The following IL1RAPL1 variants were observed in gnomAD, a reference collection of about 807,000 sequenced individuals.
The protein encoded by IL1RAPL1 is interleukin-1 receptor accessory protein-like 1.
In IL1RAPL1, 3 loss-of-function variants were observed where a neutral mutation model predicts 48.4. The ratio of observed to expected loss-of-function variants is 0.06; its 90% CI spans 0.03 to 0.16. The LOEUF is 0.16. IL1RAPL1 is among the 10% of genes least tolerant of loss of function. IL1RAPL1 has a pLI of 1.00. For missense variants in IL1RAPL1, 349 were observed against 530.6 expected (o/e 0.66, Z 3.36); for synonymous variants, 185 against 187.7 (o/e 0.99, Z 0.12).
intron 5 of IL1RAPL1, among the ~76,000 whole-genome samples, chrX:29,429,789 G>A (rs1934393631): frequency 9.0e-6 from 1 of 110,499 alleles, no homozygotes; most frequent in Middle Eastern, 4.3e-3. Flanking sequence ...GAAATTCGTT[G>A]TGTAGGTGGT....
chrX:29,136,459 G>A (rs1246798490), intron 2 of IL1RAPL1, among the ~76,000 whole-genome samples: 1 of 111,625 alleles, frequency 9.0e-6, no homozygotes, highest in East Asian at 2.8e-4. Flanking sequence ...TGTCTAAATA[G>A]GACTCACTAT....
chrX:29,356,582 C>G (rs895495256), intron 3 of IL1RAPL1, among the ~76,000 whole-genome samples: 1 of 110,622 alleles, frequency 9.0e-6, no homozygotes, highest in South Asian at 3.8e-4. Flanking sequence ...CACACACACA[C>G]ACGCACACAC....
chrX:29,029,197 C>G (rs770838372), intron 2 of IL1RAPL1, among the ~76,000 whole-genome samples: 1 of 111,356 alleles, frequency 9.0e-6, no homozygotes, highest in Non-Finnish European at 1.9e-5. Flanking sequence ...CACTTCCCAC[C>G]AGCCCTCCCA....
At chrX:29,145,100 AC>A (rs1233191637) in intron 2 of IL1RAPL1, among the ~76,000 whole-genome samples, 1 of 111,276 alleles carries the variant, frequency 9.0e-6, no homozygotes, top group Admixed American at 9.6e-5. Flanking sequence ...GTTGAGAGAT[AC>A]GGACATAATA....
chrX:28,761,256 A>G (rs935206495), intron 1 of IL1RAPL1, among the ~76,000 whole-genome samples: 2 of 110,938 alleles, frequency 1.8e-5, no homozygotes, highest in Admixed American at 9.6e-5. Context: ...AAATCCCACT[A>G]CTGGGTATAT....
intron 6 of IL1RAPL1, among the ~76,000 whole-genome samples, chrX:29,837,258 CAA>C (rs34032700): frequency 0.021 from 637 of 29,939 alleles, 4 homozygotes; most frequent in African/African-American, 0.062. Context: ...GACTGCATCT[CAA>C]AAAAAAAAAA....
chrX:29,010,003 A>G (rs1474049685), intron 2 of IL1RAPL1, among the ~76,000 whole-genome samples: 2 of 111,523 alleles, frequency 1.8e-5, no homozygotes, highest in Admixed American at 9.6e-5. Flanking sequence ...AGGTATTTTT[A>G]TTTATGTGTA....
intron 6 of IL1RAPL1, among the ~76,000 whole-genome samples, chrX:29,887,550 A>G (rs1332668423): frequency 3.6e-5 from 4 of 112,463 alleles, no homozygotes; most frequent in African/African-American, 6.5e-5. Flanking sequence ...CTCCATTTAA[A>G]AAAATGAGGC....
In IL1RAPL1 at chrX:29,766,327, CAAAA is replaced by C. The variant is rs1220003136; in HGVS notation, c.778+97836_778+97839del. 9.4e-3 allele frequency among the ~76,000 whole-genome samples: 240 copies of C among 25,609 alleles called. 2 individuals are homozygous for C. The highest frequency in any genetic ancestry group is 0.042 in the African/African-American group (197 of 4,733). The allele number at this position is 25,609 out of a possible 115,157, so 22.2% of individuals were successfully genotyped here. A position where few individuals can be genotyped will look rare whatever the true frequency, so the allele number is the denominator to read the frequency against. On this transcript the variant is annotated intron_variant, in intron 6 of 10. Coordinates refer to ENST00000378993, the MANE Select transcript of IL1RAPL1 (RefSeq NM_014271.4). ...TGGGAGACAGAGTGAGACTCCGTCTCAAAAAAAAAAAAAAAATATATATATATAT... is the reference window on the plus strand; with the variant it reads ...TGGGAGACAGAGTGAGACTCCGTCTCAAAAAAAAAAAATATATATATATAT...
At chrX:28,652,601 G>C (rs1934695819) in intron 1 of IL1RAPL1, among the ~76,000 whole-genome samples, 1 of 112,037 alleles carries the variant, frequency 8.9e-6, no homozygotes. Context: ...GAGCAATGCT[G>C]ACGGGGGACC....
intron 2 of IL1RAPL1, among the ~76,000 whole-genome samples, chrX:29,225,516 C>T (rs972062843): frequency 4.5e-5 from 5 of 111,970 alleles, no homozygotes; most frequent in Non-Finnish European, 7.5e-5. Flanking sequence ...TTGAACAGAT[C>T]GGTTAAACAG....
Position 29,218,054 on chromosome X carries a change from G to A in IL1RAPL1, c.83-64884G>A, listed in dbSNP as rs1486353233. 2.7e-5 allele frequency among the ~76,000 whole-genome samples: 3 copies of A among 111,438 alleles called. No individual in the cohort carries two copies. The East Asian group carries it at 8.4e-4, about 31-fold the overall frequency. On this transcript the variant is annotated intron_variant, in intron 2 of 10. Coordinates refer to ENST00000378993, the MANE Select transcript of IL1RAPL1 (RefSeq NM_014271.4). Reference sequence around the variant, plus strand: ...AGTCAATCAAAATGTTATGTTTGCTGTTTTTTGTACAGAAAAAAATCTCAT... The same window carrying A: ...AGTCAATCAAAATGTTATGTTTGCTATTTTTTGTACAGAAAAAAATCTCAT...
At chrX:29,936,267 T>C (rs1250153632) in intron 8 of IL1RAPL1, among the ~76,000 whole-genome samples, 1 of 111,253 alleles carries the variant, frequency 9.0e-6, no homozygotes, top group Non-Finnish European at 1.9e-5. Context: ...TAAATTCTTA[T>C]AAACTTTAGC....
At chrX:29,874,383 C>T (rs1459673541) in intron 6 of IL1RAPL1, among the ~76,000 whole-genome samples, 3 of 112,099 alleles carry the variant, frequency 2.7e-5, no homozygotes, top group Non-Finnish European at 5.6e-5. Context: ...ATATTTTAAA[C>T]ATGTATATAG....
At chrX:28,815,583 C>T (rs1378331371) in intron 2 of IL1RAPL1, among the ~76,000 whole-genome samples, 1 of 105,693 alleles carries the variant, frequency 9.5e-6, no homozygotes, top group East Asian at 3.0e-4. Flanking sequence ...TATTTGTACC[C>T]ATTAATCAAC....
rs1271782632 is a variant in IL1RAPL1 at position 29,015,906 on chromosome X, A to C, written c.82+226481A>C. On this transcript the variant is annotated intron_variant, in intron 2 of 10. Coordinates refer to ENST00000378993, the MANE Select transcript of IL1RAPL1 (RefSeq NM_014271.4). ...ATTAAAAGTTAATAAATATTTACCA[A>C]ACACCTTGTTTGTGTGCTGGGGAAA... Among the ~76,000 whole-genome samples, 3 of 111,019 alleles carry C rather than the reference A, an allele frequency of 2.7e-5. No individual in the cohort carries two copies. In the Admixed American group the frequency reaches 2.9e-4, roughly 11 times the overall value.
intron 5 of IL1RAPL1, among the ~76,000 whole-genome samples, chrX:29,427,447 A>G (rs1339770138): frequency 2.7e-5 from 3 of 111,868 alleles, no homozygotes; most frequent in Non-Finnish European, 5.6e-5. Context: ...CATTTCTCAA[A>G]TCGACCTCCA....
At chrX:28,801,908 C>CTTTCAATAAATA (rs2147271581) in intron 2 of IL1RAPL1, among the ~76,000 whole-genome samples, 1 of 111,842 alleles carries the variant, frequency 8.9e-6, no homozygotes, top group South Asian at 3.7e-4. Flanking sequence ...CTTTTTGTTC[C>CTTTCAATAAATA]TTTCACAAAT....
intron 6 of IL1RAPL1, among the ~76,000 whole-genome samples, chrX:29,748,893 T>TA (rs1040583468): frequency 1.8e-5 from 2 of 111,763 alleles, no homozygotes; most frequent in Admixed American, 9.5e-5. Flanking sequence ...TAGAGTCATC[T>TA]AAAAAAAAGT....
Sources: allele counts gnomAD v4.1 joint callset (sites outside exome capture counted in the v4.1 genomes callset), GRCh38; gene constraint gnomAD v4.1.1; transcripts MANE v1.5; gene names NCBI Gene and HGNC (gene_info 2026-07-23, HGNC 2026-07-21).